PIAS1: variants seen among roughly 807,000 people sequenced by gnomAD.
PIAS1 encodes E3 SUMO-protein ligase PIAS1.
PIAS1 carries 6 observed loss-of-function variants against 71.3 expected under a neutral mutation model. That is an observed-to-expected ratio of 0.08 (90% CI 0.05 to 0.17). The LOEUF (loss-of-function observed/expected upper bound fraction) is 0.17. PIAS1 is among the 10% of genes least tolerant of loss of function. The pLI, the probability that PIAS1 is intolerant of heterozygous loss-of-function variation, is 1.00. For missense variants in PIAS1, 555 were observed against 793.6 expected (o/e 0.70, Z 3.61); for synonymous variants, 303 against 292.9 (o/e 1.03, Z -0.35).
At chr15:68,097,606 T>C (rs2140994344) in intron 2 of PIAS1, among the ~76,000 whole-genome samples, 1 of 152,190 alleles carries the variant, frequency 6.6e-6, no homozygotes, top group Admixed American at 6.5e-5. Context: ...CTAATTTTTG[T>C]ATTTTTATTA....
At chr15:68,121,666 C>T (rs547180513) in intron 2 of PIAS1, among the ~76,000 whole-genome samples, 2 of 152,168 alleles carry the variant, frequency 1.3e-5, no homozygotes, top group Admixed American at 1.3e-4. Context: ...TCATTCACTC[C>T]CATAACTTAA....
At chr15:68,066,456 A>G (rs1445456545) in intron 1 of PIAS1, among the ~76,000 whole-genome samples, 1 of 152,194 alleles carries the variant, frequency 6.6e-6, no homozygotes, top group African/African-American at 2.4e-5. Flanking sequence ...GAATAAATGA[A>G]AAATTCCCTA....
intron 7 of PIAS1, among the ~76,000 whole-genome samples, chr15:68,161,411 G>A (rs1012858913): frequency 3.3e-5 from 5 of 151,654 alleles, no homozygotes; most frequent in South Asian, 2.1e-4. Context: ...TCAAGATCCC[G>A]GTAGGACCTT....
chr15:68,103,172 C>A (rs1461119381), intron 2 of PIAS1, among the ~76,000 whole-genome samples: 1 of 152,052 alleles, frequency 6.6e-6, no homozygotes, highest in Non-Finnish European at 1.5e-5. Context: ...AGTGATCTGC[C>A]CGCCTCGCCC....
chr15:68,057,445 C>A, intron 1 of PIAS1: 1 of 416,520 alleles, frequency 2.4e-6, no homozygotes, highest in Non-Finnish European at 4.7e-6. Context: ...TGGAGTAAAA[C>A]TCAAACCAAG....
intron 2 of PIAS1, among the ~76,000 whole-genome samples, chr15:68,099,506 C>T (rs1280719523): frequency 2.0e-5 from 3 of 151,780 alleles, no homozygotes; most frequent in African/African-American, 4.8e-5. Context: ...TCTAACTATT[C>T]GAATTATTTA....
chr15:68,130,886 T>C (rs982694037), intron 2 of PIAS1, among the ~76,000 whole-genome samples: 1 of 152,190 alleles, frequency 6.6e-6, no homozygotes, highest in Non-Finnish European at 1.5e-5. Context: ...TCAGATGTAA[T>C]AATAGCTAAC....
chr15:68,133,001 A>G (rs1342817606), intron 2 of PIAS1, among the ~76,000 whole-genome samples: 1 of 151,424 alleles, frequency 6.6e-6, no homozygotes, highest in Non-Finnish European at 1.5e-5. Flanking sequence ...TTTTCCGAAA[A>G]AAGCCAGTAG....
intron 1 of PIAS1, among the ~76,000 whole-genome samples, chr15:68,076,470 A>G (rs2092166086): frequency 6.6e-6 from 1 of 152,200 alleles, no homozygotes; most frequent in African/African-American, 2.4e-5. Context: ...ACTGCACTCC[A>G]GCCTGGGCGA....
intron 2 of PIAS1, among the ~76,000 whole-genome samples, chr15:68,128,574 T>TA (rs35492116): frequency 6.6e-6 from 1 of 152,108 alleles, no homozygotes; most frequent in Non-Finnish European, 1.5e-5. Flanking sequence ...AATTCTGATC[T>TA]AAAAAAAAAT....
At chr15:68,098,102 GAAC>G (rs2092391861) in intron 2 of PIAS1, among the ~76,000 whole-genome samples, 1 of 152,106 alleles carries the variant, frequency 6.6e-6, no homozygotes, top group African/African-American at 2.4e-5. Context: ...GTTGACCCTT[GAAC>G]AACAAGGGGA....
In PIAS1 at chr15:68,187,252, T is replaced by C. The variant is rs2093093908; in HGVS notation, c.1663-290T>C. The stretch of plus-strand genomic sequence containing the variant: ...GCCCCTCCTGCTGCTTCTGAGCATA[T>C]GCTTCTTGGGAAATAGAATTGGTAA... On this transcript the variant is annotated intron_variant, in intron 13 of 13. Transcript: ENST00000249636. This position sits in a 1 kb window ranked among gnomAD's most constrained non-coding sequence, Gnocchi z 5.3. 6.6e-6 allele frequency among the ~76,000 whole-genome samples: 1 copy of C among 152,212 alleles called. No homozygotes were observed. The highest frequency in any genetic ancestry group is 2.4e-5 in the African/African-American group (1 of 41,460).
chr15:68,095,225 A>G (rs900162725), intron 2 of PIAS1, among the ~76,000 whole-genome samples: 1 of 152,168 alleles, frequency 6.6e-6, no homozygotes, highest in Non-Finnish European at 1.5e-5. Flanking sequence ...ATCGAATTTA[A>G]AGATCAGACA....
chr15:68,147,955 A>G (rs1336723946), intron 6 of PIAS1, among the ~76,000 whole-genome samples: 1 of 152,068 alleles, frequency 6.6e-6, no homozygotes, highest in African/African-American at 2.4e-5. Context: ...CCACCAGTTC[A>G]TTTGAAATTT....
chr15:68,059,294 A>G (rs1014547026), intron 1 of PIAS1, among the ~76,000 whole-genome samples: 1 of 152,070 alleles, frequency 6.6e-6, no homozygotes, highest in Non-Finnish European at 1.5e-5. Flanking sequence ...GGCGTGAGCC[A>G]CCACCGCGCC....
chr15:68,085,278 G>A (rs1259764042), intron 1 of PIAS1, among the ~76,000 whole-genome samples: 1 of 152,144 alleles, frequency 6.6e-6, no homozygotes, highest in Admixed American at 6.6e-5. Flanking sequence ...GCTAATAGCT[G>A]TGTGATCTTG....
chr15:68,151,209 A>G (rs1251300153), intron 6 of PIAS1, among the ~76,000 whole-genome samples: 2 of 152,048 alleles, frequency 1.3e-5, no homozygotes, highest in Non-Finnish European at 2.9e-5. Context: ...CCTCTTTCAT[A>G]TGATGTAAAA....
At chr15:68,129,402 G>T (rs1255825975) in intron 2 of PIAS1, among the ~76,000 whole-genome samples, 3 of 151,998 alleles carry the variant, frequency 2.0e-5, no homozygotes, top group Non-Finnish European at 1.5e-5. Context: ...TATTTATAAA[G>T]CTATATATAT....
chr15:68,085,806 C>G (rs1382069662), intron 1 of PIAS1, among the ~76,000 whole-genome samples: 1 of 152,170 alleles, frequency 6.6e-6, no homozygotes, highest in African/African-American at 2.4e-5. Context: ...AGAGTTAGTA[C>G]AGAATGTAAG....
Sources: allele counts gnomAD v4.1 joint callset (sites outside exome capture counted in the v4.1 genomes callset), GRCh38; gene constraint gnomAD v4.1.1; non-coding constraint Gnocchi (gnomAD v3.1); transcripts MANE v1.5; gene names NCBI Gene and HGNC (gene_info 2026-07-23, HGNC 2026-07-21).